LCK: variants seen among roughly 807,000 people sequenced by gnomAD.
LCK encodes the protein LCK proto-oncogene, Src family tyrosine kinase, also known as tyrosine-protein kinase Lck.
LCK carries 14 observed loss-of-function variants against 64.6 expected under a neutral mutation model. The observed-to-expected ratio is 0.22, with a 90% CI of 0.14 to 0.34. The LOEUF (loss-of-function observed/expected upper bound fraction) is 0.34. LCK is among the 10% of genes least tolerant of loss of function. The pLI is 1.00. For missense variants in LCK, 434 were observed against 668.1 expected (o/e 0.65, Z 3.86); for synonymous variants, 277 against 263.6 (o/e 1.05, Z -0.49).
At chr1:32,279,047 C>T (rs938291868) in intron 9 of LCK, among the ~76,000 whole-genome samples, 1 of 152,092 alleles carries the variant, frequency 6.6e-6, no homozygotes, top group African/African-American at 2.4e-5. Context: ...GGCTGGGCAC[C>T]AGGAACATGG....
intron 1 of LCK, among the ~76,000 whole-genome samples, chr1:32,259,775 A>G (rs1345695107): frequency 6.6e-6 from 1 of 151,900 alleles, no homozygotes; most frequent in Admixed American, 6.6e-5. Context: ...TTGCCACTGC[A>G]CTCCAGTGGC....
chr1:32,275,703 G>A lies in LCK; in HGVS notation c.481+31G>A. On this transcript the variant is annotated intron_variant, in intron 6 of 12. Transcript: ENST00000336890. The surrounding 1 kb of genome is among the most constrained non-coding windows in gnomAD (Gnocchi z 6.9). Reference sequence around the variant, plus strand: ...CGGGCGGCGGTCTCGACCGGGCGCGGGGGTGCCCCGGGGTGTGCCCGAGGG... The same window carrying A: ...CGGGCGGCGGTCTCGACCGGGCGCGAGGGTGCCCCGGGGTGTGCCCGAGGG... 6.6e-7 allele frequency: 1 copy of A among 1,522,350 alleles called. No homozygotes were observed. The highest frequency in any genetic ancestry group is 8.9e-7 in the Non-Finnish European group (1 of 1,127,610). The allele number at this position is 1,522,350 out of a possible 1,614,324, so 94.3% of individuals were successfully genotyped here.
chr1:32,282,228 C>T (rs566874692), intron 12 of LCK, among the ~76,000 whole-genome samples: 5 of 152,284 alleles, frequency 3.3e-5, no homozygotes, highest in South Asian at 4.1e-4. Flanking sequence ...TGCTCCTTCC[C>T]GGTTCCCACA....
At chr1:32,269,111 A>T (rs1173023204) in intron 1 of LCK, among the ~76,000 whole-genome samples, 1 of 126,370 alleles carries the variant, frequency 7.9e-6, no homozygotes, top group Admixed American at 8.1e-5. Flanking sequence ...GAGCAAGTCT[A>T]AAAAAAAAAA....
In LCK at chr1:32,285,772, G is replaced by A; in HGVS notation, c.*56G>A. 6.5e-7 allele frequency: 1 copy of A among 1,533,322 alleles called. No individual in the cohort carries two copies. The highest frequency in any genetic ancestry group is 8.8e-7 in the Non-Finnish European group (1 of 1,132,494). 95.0% of individuals were successfully genotyped at this position (1,533,322 alleles called of 1,614,324 possible). A position where few individuals can be genotyped will look rare whatever the true frequency, so the allele number is the denominator to read the frequency against. ...CTTTCTCTCCAGCCTGACTTGGGGA[G>A]ATGGAGTTCTTGTGCCATAGTCACA... On this transcript the variant is annotated 3_prime_UTR_variant, in exon 13 of 13. Transcript: ENST00000336890.
At chr1:32,284,068 A>G (rs1640540590) in intron 12 of LCK, among the ~76,000 whole-genome samples, 2 of 151,678 alleles carry the variant, frequency 1.3e-5, no homozygotes, top group African/African-American at 2.4e-5. Flanking sequence ...TTTTTAGTAC[A>G]GACAGGTTTT....
At chr1:32,268,018 C>A in intron 1 of LCK, among the ~76,000 whole-genome samples, 2 of 151,826 alleles carry the variant, frequency 1.3e-5, no homozygotes, top group Admixed American at 1.3e-4. Flanking sequence ...CACGATGAAA[C>A]CCCATCTCTA....
chr1:32,278,190 C>A (rs1443663596), intron 9 of LCK, among the ~76,000 whole-genome samples: 1 of 152,050 alleles, frequency 6.6e-6, no homozygotes, highest in Non-Finnish European at 1.5e-5. Flanking sequence ...AAACAAAAAA[C>A]CCACAAAACT....
At chr1:32,255,796 ATTTAT>A (rs1192354196) in intron 1 of LCK, among the ~76,000 whole-genome samples, 2 of 142,602 alleles carry the variant, frequency 1.4e-5, no homozygotes, top group African/African-American at 5.3e-5. Context: ...TACCCATTAA[ATTTAT>A]TTTTTTTTTT....
chr1:32,255,896 G>A (rs1639621050), intron 1 of LCK, among the ~76,000 whole-genome samples: 2 of 150,446 alleles, frequency 1.3e-5, no homozygotes, highest in Admixed American at 6.7e-5. Context: ...CACACACCTG[G>A]GCTTGAGTGG....
At chr1:32,265,730 C>G (rs956409678) in intron 1 of LCK, among the ~76,000 whole-genome samples, 2 of 152,134 alleles carry the variant, frequency 1.3e-5, no homozygotes, top group African/African-American at 2.4e-5. Flanking sequence ...GTACCAGCTT[C>G]CAGCCCCATG....
chr1:32,285,293 T>C (rs905986344), intron 12 of LCK, among the ~76,000 whole-genome samples: 3 of 151,776 alleles, frequency 2.0e-5, no homozygotes, highest in African/African-American at 4.8e-5. Flanking sequence ...AAGAGTGAAA[T>C]TGCATCTCAA....
chr1:32,260,724 C>T (rs1639746100), intron 1 of LCK, among the ~76,000 whole-genome samples: 2 of 151,718 alleles, frequency 1.3e-5, no homozygotes, highest in African/African-American at 2.4e-5. Context: ...CTGGGCTCAG[C>T]GATCCTCCTA....
chr1:32,274,061 G>A, intron 1 of LCK: 2 of 567,670 alleles, frequency 3.5e-6, no homozygotes, highest in Non-Finnish European at 6.0e-6. Flanking sequence ...GGTGCCTGTG[G>A]CGGTTTGCCC....
In LCK at chr1:32,253,317, G is replaced by T. The variant is rs552291037; in HGVS notation, c.-6+1946G>T. Among the ~76,000 whole-genome samples the T allele has an allele frequency of 7.2e-5, 11 of 152,248 alleles. No individual in the cohort carries two copies. The South Asian group carries it at 2.3e-3, about 32-fold the overall frequency. ...GCACAGGTTGTAATGAGCAGAGATC[G>T]AGTCATTGCACTCCAGCCTAGGCAA... On this transcript the variant is annotated intron_variant, in intron 1 of 12. Transcript: ENST00000336890.
Position 32,276,380 on chromosome 1 carries a change from G to A in LCK, c.675G>A (p.Gln225=), listed in dbSNP as rs756730214. 3 of 1,611,510 alleles carry A rather than the reference G, an allele frequency of 1.9e-6. No homozygotes were observed. In the African/African-American group the frequency reaches 4.0e-5, roughly 22 times the overall value. ...GLCTRLSRPC[Q]TQKPQKPWWE... Reference sequence around the variant, plus strand: ...GCACACGGTTGAGCCGCCCCTGCCAGACCCAGAAGCCCCAGAAGCCGTGGT... The same window carrying A: ...GCACACGGTTGAGCCGCCCCTGCCAAACCCAGAAGCCCCAGAAGCCGTGGT... The change falls in exon 8 of 13, where the codon CAG becomes CAA. Residue 225 remains glutamine (Q), a synonymous_variant. Coordinates refer to ENST00000336890, the MANE Select transcript of LCK (RefSeq NM_005356.5). This position sits in a 1 kb window ranked among gnomAD's most constrained non-coding sequence, Gnocchi z 4.6.
chr1:32,265,687 T>A lies in LCK; in HGVS notation c.-5-8638T>A, dbSNP rs534687442. Among the ~76,000 whole-genome samples, 12 of 152,194 alleles carry A rather than the reference T, an allele frequency of 7.9e-5. No individual in the cohort carries two copies. In the East Asian group the frequency reaches 2.3e-3, roughly 29 times the overall value. ...CCTAGCCCAAGGCCTTGTGATTCCT[T>A]TTCCCTCCCCACCTGACCCCAGCCT... On this transcript the variant is annotated intron_variant, in intron 1 of 12. Transcript: ENST00000336890.
Position 32,275,282 on chromosome 1 carries a change from C to T in LCK, c.279-39C>T, listed in dbSNP as rs777692288. 3 of 1,601,130 alleles carry T rather than the reference C, an allele frequency of 1.9e-6. No homozygotes were observed. Among genetic ancestry groups the T allele is most frequent in the African/African-American group, 1.3e-5 (1 of 74,804 alleles). ...TCTTTGAGGGAGGGTCTCAGGTCGA[C>T]GGCTGAGCGAGCCACACTGACCCAC... On this transcript the variant is annotated intron_variant, in intron 4 of 12. Coordinates refer to ENST00000336890, the MANE Select transcript of LCK (RefSeq NM_005356.5). This position sits in a 1 kb window ranked among gnomAD's most constrained non-coding sequence, Gnocchi z 6.9.
At chr1:32,269,747 A>G (rs1048612331) in intron 1 of LCK, 2 of 151,956 alleles carry the variant, frequency 1.3e-5, no homozygotes, top group African/African-American at 2.4e-5. Flanking sequence ...TCTATTAAAA[A>G]AAGAAAAAAG....
Sources: allele counts gnomAD v4.1 joint callset (sites outside exome capture counted in the v4.1 genomes callset), GRCh38; gene constraint gnomAD v4.1.1; non-coding constraint Gnocchi (gnomAD v3.1); transcripts MANE v1.5; gene names NCBI Gene and HGNC (gene_info 2026-07-23, HGNC 2026-07-21).